The following PTPRD variants were observed in gnomAD, a reference collection of about 807,000 sequenced individuals.
The protein encoded by PTPRD is protein tyrosine phosphatase receptor type D.
A neutral mutation model predicts 214.5 loss-of-function variants in PTPRD; 34 were observed. That is an observed-to-expected ratio of 0.16 (90% confidence interval 0.12 to 0.21). PTPRD has a LOEUF of 0.21. PTPRD is among the 10% of genes least tolerant of loss of function. The probability of loss-of-function intolerance (pLI) is 1.00; values close to 1 mark genes in which losing one functional copy is unlikely to be tolerated. For synonymous variants in PTPRD, 1,128 were observed against 845.7 expected (o/e 1.33, Z -5.79); for missense variants, 2,545 against 2,398.7 (o/e 1.06, Z -1.27).
chr9:9,714,493 C>T (rs1188163311), intron 7 of PTPRD, among the ~76,000 whole-genome samples: 1 of 99,366 alleles, frequency 1.0e-5, no homozygotes, highest in East Asian at 2.2e-4. Flanking sequence ...AAGAATACCA[C>T]CTTGTTAGTT....
intron 11 of PTPRD, among the ~76,000 whole-genome samples, chr9:8,926,071 C>T (rs10977363): frequency 6.6e-6 from 1 of 151,660 alleles, no homozygotes; most frequent in Non-Finnish European, 1.5e-5. Context: ...TCTTGCCATG[C>T]CTCATCACAC....
intron 12 of PTPRD, among the ~76,000 whole-genome samples, chr9:8,660,200 T>C (rs2154353431): frequency 6.6e-6 from 1 of 152,354 alleles, no homozygotes; most frequent in South Asian, 2.1e-4. Flanking sequence ...GTACATGCTC[T>C]TGTCTTACAC....
chr9:10,594,012 T>C (rs933562029), intron 2 of PTPRD, among the ~76,000 whole-genome samples: 16 of 151,950 alleles, frequency 1.1e-4, no homozygotes, highest in African/African-American at 3.4e-4. Context: ...ACGGGAAGTA[T>C]TGAAATTTTT....
chr9:9,515,868 T>C (rs532812001), intron 8 of PTPRD, among the ~76,000 whole-genome samples: 350 of 152,160 alleles, frequency 2.3e-3, no homozygotes, highest in Non-Finnish European at 3.9e-3. Flanking sequence ...TAAAAAAGAA[T>C]TACTTTAAAG....
chr9:10,165,675 T>A (rs1474378911), intron 3 of PTPRD, among the ~76,000 whole-genome samples: 3 of 151,656 alleles, frequency 2.0e-5, no homozygotes. Flanking sequence ...CCTAGAATAG[T>A]TGATGAATGA....
intron 9 of PTPRD, among the ~76,000 whole-genome samples, chr9:9,282,445 G>A (rs1404223396): frequency 6.6e-6 from 1 of 151,268 alleles, no homozygotes; most frequent in African/African-American, 2.4e-5. Context: ...GTGAAATTCA[G>A]AAATTATTCT....
chr9:9,124,393 T>C (rs973811714), intron 10 of PTPRD, among the ~76,000 whole-genome samples: 8 of 152,158 alleles, frequency 5.3e-5, no homozygotes, highest in Admixed American at 4.6e-4. Context: ...TATCTTAAAA[T>C]AGATGCAAAA....
intron 2 of PTPRD, among the ~76,000 whole-genome samples, chr9:10,567,713 A>G (rs2066054004): frequency 6.6e-6 from 1 of 151,862 alleles, no homozygotes; most frequent in Non-Finnish European, 1.5e-5. Flanking sequence ...TGGTTTTTCT[A>G]CTACCAAATA....
chr9:10,357,098 A>G lies in PTPRD; in HGVS notation c.-599-16081T>C, dbSNP rs571773061. Among the ~76,000 whole-genome samples, 268 of 152,328 alleles carry G rather than the reference A, an allele frequency of 1.8e-3. 1 individual carries two copies. The highest frequency in any genetic ancestry group is 6.3e-3 in the African/African-American group (263 of 41,570). On this transcript the variant is annotated intron_variant, in intron 2 of 45. Coordinates refer to ENST00000381196, the MANE Select transcript of PTPRD (RefSeq NM_002839.4). ...ATATTAGTGTTTATGTCTTTAAAACAAAGCAGAAAACACTCCAAAAAATAA... is the reference window on the plus strand; with the variant it reads ...ATATTAGTGTTTATGTCTTTAAAACGAAGCAGAAAACACTCCAAAAAATAA...
chr9:8,627,874 G>A (rs1463677098), intron 14 of PTPRD, among the ~76,000 whole-genome samples: 3 of 151,822 alleles, frequency 2.0e-5, no homozygotes, highest in Non-Finnish European at 4.4e-5. Flanking sequence ...AGTCAGGAGC[G>A]TCTGTTCACT....
intron 12 of PTPRD, among the ~76,000 whole-genome samples, chr9:8,723,413 A>G (rs969004686): frequency 1.3e-5 from 2 of 152,086 alleles, no homozygotes; most frequent in African/African-American, 4.8e-5. Context: ...TGCAGCATTT[A>G]TCACTCTCCA....
At chr9:10,331,232 G>T (rs1435084126) in intron 3 of PTPRD, among the ~76,000 whole-genome samples, 1 of 151,826 alleles carries the variant, frequency 6.6e-6, no homozygotes, top group East Asian at 1.9e-4. Flanking sequence ...AAAGAGGAGT[G>T]CTACTGCAAT....
chr9:8,431,986 A>T (rs923854544), intron 35 of PTPRD, among the ~76,000 whole-genome samples: 1 of 152,210 alleles, frequency 6.6e-6, no homozygotes, highest in African/African-American at 2.4e-5. Context: ...TACGCTATTA[A>T]TTACTGCCTC....
At chr9:8,501,328 G>A (rs1455486819) in intron 23 of PTPRD, among the ~76,000 whole-genome samples, 1 of 152,114 alleles carries the variant, frequency 6.6e-6, no homozygotes, top group Non-Finnish European at 1.5e-5. Context: ...AGATAATGGA[G>A]CCTCAAATAA....
At chr9:10,569,721 A>T (rs969491643) in intron 2 of PTPRD, among the ~76,000 whole-genome samples, 1 of 152,108 alleles carries the variant, frequency 6.6e-6, no homozygotes, top group African/African-American at 2.4e-5. Flanking sequence ...CCAAAGTGAG[A>T]CAATTATTGA....
intron 2 of PTPRD, among the ~76,000 whole-genome samples, chr9:10,504,346 T>A (rs2045147517): frequency 6.6e-6 from 1 of 151,968 alleles, no homozygotes; most frequent in South Asian, 2.1e-4. Context: ...AATATCTAGA[T>A]TAAATCCACC....
At chr9:8,326,897 G>A (rs1358612860) in intron 44 of PTPRD, among the ~76,000 whole-genome samples, 2 of 145,892 alleles carry the variant, frequency 1.4e-5, no homozygotes, top group Non-Finnish European at 3.0e-5. Context: ...TGGGATCAGT[G>A]GTGATTTCCC....
chr9:9,577,583 T>G (rs1041531554), intron 7 of PTPRD, among the ~76,000 whole-genome samples: 1 of 151,676 alleles, frequency 6.6e-6, no homozygotes, highest in Non-Finnish European at 1.5e-5. Flanking sequence ...TAAATAAAAA[T>G]AAATAAAAAG....
chr9:9,907,314 G>C (rs186592445), intron 5 of PTPRD, among the ~76,000 whole-genome samples: 2 of 151,790 alleles, frequency 1.3e-5, no homozygotes, highest in African/African-American at 2.4e-5. Flanking sequence ...TATTATATTA[G>C]TCTGCTAGGG....
Sources: allele counts gnomAD v4.1 joint callset (sites outside exome capture counted in the v4.1 genomes callset), GRCh38; gene constraint gnomAD v4.1.1; transcripts MANE v1.5; gene names NCBI Gene and HGNC (gene_info 2026-07-23, HGNC 2026-07-21).